The following CXorf38 variants were observed in gnomAD, a reference collection of about 807,000 sequenced individuals.
CXorf38 encodes chromosome X open reading frame 38.
A neutral mutation model predicts 27.5 loss-of-function variants in CXorf38; 13 were observed. The ratio of observed to expected loss-of-function variants is 0.47; its 90% CI spans 0.31 to 0.75. The LOEUF is 0.75. CXorf38 is among the 30% of genes least tolerant of loss of function. The probability of loss-of-function intolerance (pLI) is 0.05; values close to 1 mark genes in which losing one functional copy is unlikely to be tolerated. For missense variants in CXorf38, 240 were observed against 253.2 expected (o/e 0.95, Z 0.35); for synonymous variants, 100 against 99.8 (o/e 1.00, Z -0.01).
At chrX:40,631,560 C>A (rs750717073) in intron 5 of CXorf38, among the ~76,000 whole-genome samples, 1 of 111,559 alleles carries the variant, frequency 9.0e-6, no homozygotes, top group African/African-American at 3.3e-5. Context: ...CCCGCCTCGG[C>A]CTCCCAAAGT....
rs781748299 is a variant in CXorf38 at position 40,630,674 on chromosome X, G to A, written c.901C>T (p.Leu301=). ...EDMQKLDSLC[L]HQKLDSQEPG... is the part of the protein sequence containing the mutation. ...TCCTGTGAATCCAGTTTTTGATGTAGACAGAGGCTGTCTAGCTTCTGCATA... is the reference window on the plus strand; with the variant it reads ...TCCTGTGAATCCAGTTTTTGATGTAAACAGAGGCTGTCTAGCTTCTGCATA... The change falls in exon 6 of 7, where the codon CTA becomes TTA. Residue 301 remains leucine (L), a synonymous_variant. Transcript: ENST00000327877. 2.3e-4 allele frequency: 276 copies of A among 1,208,343 alleles called. No individual in the cohort carries two copies. The South Asian group carries it at 4.6e-3, about 20-fold the overall frequency.
At position 40,630,961 on chromosome X, in the gene CXorf38, G is replaced by C. The variant is rs139656446; in HGVS notation, c.802-188C>G. 1.3e-3 allele frequency among the ~76,000 whole-genome samples: 148 copies of C among 111,128 alleles called. 1 individual carries two copies. The East Asian group carries it at 0.038, about 29-fold the overall frequency. ...AACAAAACAAATCCTTTAAAACAAA[G>C]CATCCTCCACTCAAAAAATAAAAAA... On this transcript the variant is annotated intron_variant, in intron 5 of 6. Transcript: ENST00000327877.
chrX:40,630,856 A>G, intron 5 of CXorf38, 83 bp from the exon 6 acceptor site: 1 of 949,833 alleles, frequency 1.1e-6, no homozygotes, highest in Non-Finnish European at 1.5e-6. Flanking sequence ...ACTAGCTTCT[A>G]GACTGGCTCC....
intron 5 of CXorf38, among the ~76,000 whole-genome samples, chrX:40,633,014 C>CA (rs1927897162): frequency 9.0e-6 from 1 of 111,719 alleles, no homozygotes; most frequent in African/African-American, 3.3e-5. Flanking sequence ...TCACCTAAGC[C>CA]AAAACTCTTG....
In CXorf38 at chrX:40,630,706, G is replaced by C; in HGVS notation, c.869C>G (p.Thr290Arg). ...GCTGTCTAGCTTCTGCATATCTTCT[G>C]TAAGGCCATTTCTAAGATCCTCATT... is the stretch of plus-strand genomic sequence containing the variant. Reference protein sequence around the residue: ...RNNEDLRNGLTEDMQKLDSLC... With the variant: ...RNNEDLRNGLREDMQKLDSLC... The change falls in exon 6 of 7, where the codon ACA (threonine) becomes AGA (arginine). Residue 290 changes from threonine (T) to arginine (R), a missense_variant. By Grantham distance (71) the Thr-to-Arg change is moderately conservative. Coordinates refer to ENST00000327877, the MANE Select transcript of CXorf38 (RefSeq NM_144970.3). 1 of 1,209,499 alleles carries C rather than the reference G, an allele frequency of 8.3e-7. No homozygotes were observed. The highest frequency in any genetic ancestry group is 1.7e-5 in the African/African-American group (1 of 57,734).
intron 2 of CXorf38, 25 bp downstream of exon 2, chrX:40,646,978 CTCCT>C: frequency 8.3e-7 from 1 of 1,202,660 alleles, no homozygotes. Context: ...CCGCCGCTTC[CTCCT>C]TCCGTCCCCG....
intron 2 of CXorf38, among the ~76,000 whole-genome samples, chrX:40,645,474 TTTTC>T (rs1321777547): frequency 4.6e-5 from 5 of 109,676 alleles, no homozygotes; most frequent in Non-Finnish European, 3.8e-5. Context: ...AAGGGCAGAG[TTTTC>T]TTTCTTTCTG....
In CXorf38 at chrX:40,627,024, A is replaced by G. The variant is rs1293780666; in HGVS notation, c.*3140T>C. On this transcript the variant is annotated 3_prime_UTR_variant, in exon 7 of 7. Coordinates refer to ENST00000327877, the MANE Select transcript of CXorf38 (RefSeq NM_144970.3). Reference sequence around the variant, plus strand: ...TTGTAAAAATTTCACCTAGGAGGATATAAAATAGAAAAGCCGAATATTCCT... The same window carrying G: ...TTGTAAAAATTTCACCTAGGAGGATGTAAAATAGAAAAGCCGAATATTCCT... The G allele has an allele frequency of 2.7e-5, 3 of 112,172 alleles. No individual in the cohort carries two copies. The highest frequency in any genetic ancestry group is 5.6e-5 in the Non-Finnish European group (3 of 53,233). The allele number at this position is 112,172 out of a possible 1,213,427, so 9.2% of individuals were successfully genotyped here. A position where few individuals can be genotyped will look rare whatever the true frequency, so the allele number is the denominator to read the frequency against.
chrX:40,630,866 C>T (rs887074598), intron 5 of CXorf38, 93 bp from the exon 6 acceptor site: 16 of 847,583 alleles, frequency 1.9e-5, no homozygotes, highest in Non-Finnish European at 2.6e-5. Flanking sequence ...AGACTGGCTC[C>T]TACTCACGTG....
chrX:40,633,238 A>G (rs1927909366), intron 5 of CXorf38, among the ~76,000 whole-genome samples: 1 of 110,322 alleles, frequency 9.1e-6, no homozygotes, highest in African/African-American at 3.3e-5. Context: ...TGTCATCCCA[A>G]TGGCTCACAA....
chrX:40,635,843 C>G (rs1928043193), intron 5 of CXorf38, among the ~76,000 whole-genome samples: 1 of 112,214 alleles, frequency 8.9e-6, no homozygotes, highest in African/African-American at 3.2e-5. Context: ...AGTTTCTGTT[C>G]TCTCTCACCT....
chrX:40,636,758 G>A (rs748364844), intron 4 of CXorf38, 46 bp from the exon 5 acceptor site: 2 of 1,047,457 alleles, frequency 1.9e-6, no homozygotes, highest in South Asian at 2.2e-5. Context: ...CATGAAGAAG[G>A]CATTCCACTG....
At chrX:40,638,610 C>T (rs934128106) in intron 3 of CXorf38, among the ~76,000 whole-genome samples, 1 of 112,080 alleles carries the variant, frequency 8.9e-6, no homozygotes, top group African/African-American at 3.2e-5. Context: ...TGCTGGCATA[C>T]AACAGGCAGA....
chrX:40,640,794 G>T (rs1928283729), intron 2 of CXorf38, among the ~76,000 whole-genome samples: 1 of 109,888 alleles, frequency 9.1e-6, no homozygotes, highest in South Asian at 3.9e-4. Context: ...ACAAAAACCA[G>T]CCAGGCGTGG....
At chrX:40,644,831 AAGT>A (rs1248892536) in intron 2 of CXorf38, among the ~76,000 whole-genome samples, 1 of 111,628 alleles carries the variant, frequency 9.0e-6, no homozygotes, top group African/African-American at 3.3e-5. Context: ...TGCCAGGGAA[AAGT>A]AGTAGTCTCC....
At chrX:40,633,638 C>T (rs934791393) in intron 5 of CXorf38, among the ~76,000 whole-genome samples, 1 of 111,718 alleles carries the variant, frequency 9.0e-6, no homozygotes, top group East Asian at 2.8e-4. Context: ...TAGAATATAA[C>T]GAATGAAGTG....
In CXorf38 at chrX:40,630,638, G is replaced by A. The variant is rs765901389; in HGVS notation, c.937C>T (p.Gln313Ter). Reference protein sequence around the residue: ...QKLDSQEPGRQTPDRKA With the variant: ...QKLDSQEPGR ...CCTCAGGCCTTCCTGTCAGGTGTTT[G>A]TCTCCCAGGTTCCTGTGAATCCAGT... Residue 313 changes from glutamine (Q) to a stop codon, truncating the protein, a stop_gained, in exon 6 of 7, where the codon CAA becomes TAA. Transcript: ENST00000327877. LOFTEE classifies it high-confidence loss of function. 50 of 1,207,875 alleles carry A rather than the reference G, an allele frequency of 4.1e-5. No homozygotes were observed. The highest frequency in any genetic ancestry group is 5.0e-5 in the Non-Finnish European group (45 of 894,166).
rs1927668114 is a variant in CXorf38 at position 40,629,444 on chromosome X, A to G, written c.*720T>C. 8.9e-6 allele frequency: 1 copy of G among 112,297 alleles called. No individual in the cohort carries two copies. Among genetic ancestry groups the G allele is most frequent in the Admixed American group, 9.4e-5 (1 of 10,619 alleles). The allele number at this position is 112,297 out of a possible 1,213,427, so 9.3% of individuals were successfully genotyped here. On this transcript the variant is annotated 3_prime_UTR_variant, in exon 7 of 7. Transcript: ENST00000327877. ...AGCCCAGCCTTGGGGATCCTGGGTGAATAGGAATAGGACTTGCCTGCCAGT... is the reference window on the plus strand; with the variant it reads ...AGCCCAGCCTTGGGGATCCTGGGTGGATAGGAATAGGACTTGCCTGCCAGT...
chrX:40,632,859 G>A (rs1250338604), intron 5 of CXorf38, among the ~76,000 whole-genome samples: 1 of 111,617 alleles, frequency 9.0e-6, no homozygotes, highest in East Asian at 2.8e-4. Context: ...TCAGAAATAA[G>A]CTACTAAAAG....
Sources: allele counts gnomAD v4.1 joint callset (sites outside exome capture counted in the v4.1 genomes callset), GRCh38; gene constraint gnomAD v4.1.1; transcripts MANE v1.5; gene names NCBI Gene and HGNC (gene_info 2026-07-23, HGNC 2026-07-21).